STAT4: variants seen among roughly 807,000 people sequenced by gnomAD.
STAT4 encodes signal transducer and activator of transcription 4.
A neutral mutation model predicts 110.5 loss-of-function variants in STAT4; 42 were observed. The observed-to-expected ratio is 0.38, with a 90% CI of 0.30 to 0.49. STAT4 has a LOEUF of 0.49. STAT4 is among the 20% of genes least tolerant of loss of function. STAT4 has a pLI of 0.95. For missense variants in STAT4, 632 were observed against 887.9 expected, an observed-to-expected ratio of 0.71 and a Z score of 3.66; for synonymous variants, 284 against 302.2, an observed-to-expected ratio of 0.94 and a Z score of 0.63.
intron 6 of STAT4, among the ~76,000 whole-genome samples, chr2:191,067,224 T>C (rs1697016245): frequency 1.3e-5 from 2 of 152,106 alleles, no homozygotes; most frequent in Non-Finnish European, 2.9e-5. Flanking sequence ...TTAAACTTTA[T>C]TGACATAGTG....
intron 3 of STAT4, among the ~76,000 whole-genome samples, chr2:191,096,876 G>A (rs13258792): frequency 2.0e-5 from 3 of 152,146 alleles, no homozygotes; most frequent in Non-Finnish European, 2.9e-5. Context: ...AAACCCCATC[G>A]TCTCAGCCCA....
chr2:191,102,083 G>A (rs548318512), intron 3 of STAT4, among the ~76,000 whole-genome samples: 23 of 148,802 alleles, frequency 1.5e-4, no homozygotes, highest in Non-Finnish European at 2.5e-4. Flanking sequence ...GTTGAATTCT[G>A]TATTAATTTT....
At chr2:191,148,732 C>G (rs1339183706) in intron 1 of STAT4, among the ~76,000 whole-genome samples, 2 of 152,112 alleles carry the variant, frequency 1.3e-5, no homozygotes, top group East Asian at 1.9e-4. Flanking sequence ...ATGTTCTTGA[C>G]TTCTAGTCCA....
intron 15 of STAT4, among the ~76,000 whole-genome samples, chr2:191,040,635 C>T (rs1369728273): frequency 6.6e-6 from 1 of 152,130 alleles, no homozygotes; most frequent in Non-Finnish European, 1.5e-5. Flanking sequence ...GATCAGCACT[C>T]ACCGCAGCCT....
At chr2:191,087,481 A>G (rs1360425602) in intron 3 of STAT4, among the ~76,000 whole-genome samples, 2 of 152,178 alleles carry the variant, frequency 1.3e-5, no homozygotes. Flanking sequence ...GAGAATCTCC[A>G]TTAATGCAAC....
At chr2:191,081,391 G>A (rs1559058175) in intron 3 of STAT4, among the ~76,000 whole-genome samples, 1 of 152,112 alleles carries the variant, frequency 6.6e-6, no homozygotes. Flanking sequence ...GGTATTTCTG[G>A]TTCTAGATCC....
rs1696811007 is a variant in STAT4 at position 191,060,226 on chromosome 2, TCCCTACTCATCTC to T, written c.1035-1470_1035-1458del. ...CACTTAGAATTTTTTTGCTAGGCAATCCCTACTCATCTCCCCTTTTGTCCCAGAGAGCATCTTA... is the reference window on the plus strand; with the variant it reads ...CACTTAGAATTTTTTTGCTAGGCAATCCCTTTTGTCCCAGAGAGCATCTTA... On this transcript the variant is annotated intron_variant, in intron 10 of 23. Transcript: ENST00000392320. The surrounding 1 kb of genome is among the most constrained non-coding windows in gnomAD (Gnocchi z 4.5). Among the ~76,000 whole-genome samples the T allele has an allele frequency of 6.6e-6, 1 of 152,090 alleles. No homozygotes were observed. Among genetic ancestry groups the T allele is most frequent in the Non-Finnish European group, 1.5e-5 (1 of 68,006 alleles).
chr2:191,044,546 G>C (rs1381648241), intron 14 of STAT4, among the ~76,000 whole-genome samples: 1 of 152,094 alleles, frequency 6.6e-6, no homozygotes, highest in Non-Finnish European at 1.5e-5. Context: ...CCAATAAAAA[G>C]GAGACAGTAA....
chr2:191,074,161 C>T (rs2125261673), intron 4 of STAT4, among the ~76,000 whole-genome samples: 1 of 152,286 alleles, frequency 6.6e-6, no homozygotes, highest in East Asian at 1.9e-4. Flanking sequence ...AGCAGAACGT[C>T]TTAGCTACTC....
intron 4 of STAT4, among the ~76,000 whole-genome samples, chr2:191,075,241 C>T (rs1309500225): frequency 6.6e-6 from 1 of 152,066 alleles, no homozygotes; most frequent in African/African-American, 2.4e-5. Context: ...TGGAGGATGT[C>T]ACTTGGAAAA....
intron 3 of STAT4, among the ~76,000 whole-genome samples, chr2:191,114,559 T>C (rs2125372092): frequency 6.6e-6 from 1 of 152,286 alleles, no homozygotes; most frequent in South Asian, 2.1e-4. Flanking sequence ...ATAACTTGTG[T>C]TTTCCATTCT....
rs1482793929 is a variant in STAT4, at chr2:191,035,110, A to G, written c.1571-513T>C. On this transcript the variant is annotated intron_variant, in intron 17 of 23. Transcript: ENST00000392320. The surrounding 1 kb of genome is among the most constrained non-coding windows in gnomAD (Gnocchi z 4.7). ...TAGTAGCCATTGGCTGTTTTGATCC[A>G]GAGCAGTGAAAGGATGCAAGAGTTT... 6.6e-6 allele frequency among the ~76,000 whole-genome samples: 1 copy of G among 152,264 alleles called. No individual in the cohort carries two copies. The highest frequency in any genetic ancestry group is 1.9e-4 in the East Asian group (1 of 5,206).
At chr2:191,128,582 C>T (rs1698945978) in intron 3 of STAT4, among the ~76,000 whole-genome samples, 1 of 152,150 alleles carries the variant, frequency 6.6e-6, no homozygotes, top group Non-Finnish European at 1.5e-5. Flanking sequence ...TCACTTATGG[C>T]TTGATTTTTG....
rs749622712 is a variant in STAT4 at position 191,064,934 on chromosome 2, T to C, written c.655A>G (p.Ile219Val). 1.2e-6 allele frequency: 2 copies of C among 1,605,144 alleles called. No individual in the cohort carries two copies. Among genetic ancestry groups the C allele is most frequent in the South Asian group, 2.2e-5 (2 of 89,908 alleles). The change falls in exon 8 of 24, where the codon ATC (isoleucine) becomes GTC (valine). Residue 219 changes from isoleucine (I) to valine (V), a missense_variant. Ile to Val is a conservative substitution (Grantham distance 29). Transcript: ENST00000392320. ...ATTAACAGGTCTGTCTCATGGATGATTTGGGTCATTTTACTGAGAGCCTCC... is the reference window on the plus strand; with the variant it reads ...ATTAACAGGTCTGTCTCATGGATGACTTGGGTCATTTTACTGAGAGCCTCC... The part of the protein sequence containing the change: ...RKEALSKMTQ[I>V]IHETDLLMNT...
rs1696357626 is a variant in STAT4 at position 191,046,483 on chromosome 2, G to C, written c.1252-5335C>G. On this transcript the variant is annotated intron_variant, in intron 14 of 23. Coordinates refer to ENST00000392320, the MANE Select transcript of STAT4 (RefSeq NM_003151.4). This position sits in a 1 kb window ranked among gnomAD's most constrained non-coding sequence, Gnocchi z 4.6. ...TGCACTGAAGGTGTCATCTGTGCTT[G>C]GGAGAGTAGACCTGGAGAGGCCTAC... Among the ~76,000 whole-genome samples, 1 of 152,078 alleles carries C rather than the reference G, an allele frequency of 6.6e-6. No individual in the cohort carries two copies. The highest frequency in any genetic ancestry group is 2.4e-5 in the African/African-American group (1 of 41,386).
chr2:191,134,748 A>G (rs1385110600), intron 3 of STAT4, among the ~76,000 whole-genome samples: 1 of 152,254 alleles, frequency 6.6e-6, no homozygotes, highest in Non-Finnish European at 1.5e-5. Context: ...ACCACAATAG[A>G]ATAAAACCAG....
intron 3 of STAT4, among the ~76,000 whole-genome samples, chr2:191,089,055 A>G (rs925974137): frequency 3.9e-5 from 6 of 152,240 alleles, no homozygotes; most frequent in African/African-American, 1.4e-4. Context: ...TACAACACTA[A>G]AGGCAAAATT....
intron 3 of STAT4, among the ~76,000 whole-genome samples, chr2:191,089,492 G>T (rs1176931652): frequency 6.6e-6 from 1 of 152,172 alleles, no homozygotes; most frequent in African/African-American, 2.4e-5. Context: ...TTCAAAAACA[G>T]TTTGGCAATT....
At chr2:191,047,821 A>G (rs1696393059) in intron 14 of STAT4, among the ~76,000 whole-genome samples, 1 of 152,130 alleles carries the variant, frequency 6.6e-6, no homozygotes, top group African/African-American at 2.4e-5. Flanking sequence ...GTGCGCCATT[A>G]TGCCCAGCTA....
Sources: gnomAD v4.1 joint callset for allele counts (sites outside exome capture counted in the v4.1 genomes callset) on GRCh38, gnomAD v4.1.1 for gene constraint, Gnocchi (gnomAD v3.1) non-coding constraint, MANE v1.5 for transcripts, NCBI Gene and HGNC (gene_info 2026-07-23, HGNC 2026-07-21) for gene names.